Variants in SLC49A3 observed in about 807,000 individuals in gnomAD.
SLC49A3 encodes the protein solute carrier family 49 member 3, also known as solute carrier family 49 member A3.
SLC49A3 carries 50 observed loss-of-function variants against 43.8 expected under a neutral mutation model. The observed-to-expected ratio is 1.14, with a 90% CI of 0.91 to 1.45. SLC49A3 has a LOEUF of 1.45. Among genes scored for constraint, SLC49A3 ranks in the 40% most tolerant of loss-of-function variants. SLC49A3 has a pLI of 0.00. For missense variants in SLC49A3, 906 were observed against 774.1 expected, an observed-to-expected ratio of 1.17 and a Z score of -2.02; for synonymous variants, 413 against 352.0, an observed-to-expected ratio of 1.17 and a Z score of -1.94.
chr4:682,184 C>A lies in SLC49A3; in HGVS notation c.1454G>T (p.Ser485Ile). 1 of 1,360,168 alleles carries A rather than the reference C, an allele frequency of 7.4e-7. No individual in the cohort carries two copies. The highest frequency in any genetic ancestry group is 9.6e-7 in the Non-Finnish European group (1 of 1,044,794). The allele number at this position is 1,360,168 out of a possible 1,614,324, so 84.3% of individuals were successfully genotyped here. A position where few individuals can be genotyped will look rare whatever the true frequency, so the allele number is the denominator to read the frequency against. Residue 485 changes from serine to isoleucine, a missense_variant, in exon 10 of 10, where the codon AGC becomes ATC. Physicochemically the swap from Ser to Ile is moderately radical, Grantham distance 142. Coordinates refer to ENST00000322224, the MANE Select transcript of SLC49A3 (RefSeq NM_032219.4). ...CGCCGTGCACTCCGGAGTCGCCGTG[C>A]TGGGCCCCAGGACCCCAGCCCTTCC... ...GAGRAGVLGP[S>I]TATPECTARG...
chr4:685,721 G>A lies in SLC49A3; in HGVS notation c.585+114C>T. On this transcript the variant is annotated intron_variant, in intron 4 of 9. Coordinates refer to ENST00000322224, the MANE Select transcript of SLC49A3 (RefSeq NM_032219.4). The surrounding 1 kb of genome is among the most constrained non-coding windows in gnomAD (Gnocchi z 4.3). ...ACTCCTTCTCGGGTGGCGGGGCGGG[G>A]GACGGGAATCACACACGGGCACAGG... 1 of 1,143,568 alleles carries A rather than the reference G, an allele frequency of 8.7e-7. No individual in the cohort carries two copies. 70.8% of individuals were successfully genotyped at this position (1,143,568 alleles called of 1,614,324 possible).
chr4:682,111 T>A lies in SLC49A3; in HGVS notation c.1527A>T (p.Pro509=), dbSNP rs780334244. 1 of 1,364,298 alleles carries A rather than the reference T, an allele frequency of 7.3e-7. No individual in the cohort carries two copies. Among genetic ancestry groups the A allele is most frequent in the Non-Finnish European group, 9.6e-7 (1 of 1,046,944 alleles). 84.5% of individuals were successfully genotyped at this position (1,364,298 alleles called of 1,614,324 possible). ...CACGGGGAGTCGCTCGGTGGCAGGC[T>A]GGGTGGGGGCTCCCGGGCCCTCTGG... The part of the protein sequence containing the change: ...EDPRGPGSPH[P]ACHRATPRAQ... The change falls in exon 10 of 10, where the codon CCA becomes CCT. Residue 509 remains proline, a synonymous_variant. Coordinates refer to ENST00000322224, the MANE Select transcript of SLC49A3 (RefSeq NM_032219.4).
downstream of SLC49A3, chr4:679,934 G>A (rs373167881): frequency 1.7e-5 from 27 of 1,613,638 alleles, no homozygotes; most frequent in African/African-American, 6.7e-5. Context: ...CGTCAAGGAC[G>A]ACGAGCTGGA....
At chr4:682,412 G>C in intron 9 of SLC49A3, 36 bp from the exon 10 acceptor site, 1 of 1,319,524 alleles carries the variant, frequency 7.6e-7, no homozygotes. Context: ...CCACAGCCAA[G>C]CCCAGGGGCC....
downstream of SLC49A3, chr4:678,230 G>A (rs1739053214): frequency 5.4e-6 from 8 of 1,489,862 alleles, no homozygotes; most frequent in Middle Eastern, 2.4e-4. Context: ...GCTGTGCTGT[G>A]TTGTGGGAAG....
chr4:681,914 G>C lies in SLC49A3; in HGVS notation c.*44C>G, dbSNP rs759762021. The C allele has an allele frequency of 7.6e-7, 1 of 1,318,714 alleles. No individual in the cohort carries two copies. Among genetic ancestry groups the C allele is most frequent in the Non-Finnish European group, 9.8e-7 (1 of 1,024,136 alleles). The allele number at this position is 1,318,714 out of a possible 1,614,324, so 81.7% of individuals were successfully genotyped here. On this transcript the variant is annotated 3_prime_UTR_variant, in exon 10 of 10. Transcript: ENST00000322224. ...GCAGGTGGACCAGATGTTCCAGTTC[G>C]CCTCCATCGATGTGGCGGGCAACCT...
chr4:678,148 G>T, downstream of SLC49A3: 1 of 1,551,754 alleles, frequency 6.4e-7, no homozygotes, highest in Non-Finnish European at 8.7e-7. Flanking sequence ...TGCAGGTGTG[G>T]GCGTGTGCTC....
chr4:679,911 C>T (rs759498576), downstream of SLC49A3: 8 of 1,613,356 alleles, frequency 5.0e-6, no homozygotes, highest in Non-Finnish European at 6.8e-6. Flanking sequence ...ATGTCTGTAA[C>T]AGGCAAGACC....
rs772426185 is a variant in SLC49A3 at position 682,276 on chromosome 4, C to A, written c.1362G>T (p.Glu454Asp). ...CCACGGCGTTACGGGTGGAGGGGGGCTCCCCAGACTCGGCCTGCAGGCGCC... is the reference window on the plus strand; with the variant it reads ...CCACGGCGTTACGGGTGGAGGGGGGATCCCCAGACTCGGCCTGCAGGCGCC... ...PYRRLQAESG[E>D]PPSTRNAVGG... The change falls in exon 10 of 10, where the codon GAG (glutamate) becomes GAT (aspartate). Residue 454 changes from glutamate (E) to aspartate (D), a missense_variant. Physicochemically the swap from Glu to Asp is conservative, Grantham distance 45. Coordinates refer to ENST00000322224, the MANE Select transcript of SLC49A3 (RefSeq NM_032219.4). 2 of 1,354,254 alleles carry A rather than the reference C, an allele frequency of 1.5e-6. No homozygotes were observed. The highest frequency in any genetic ancestry group is 1.9e-6 in the Non-Finnish European group (2 of 1,044,040). 83.9% of individuals were successfully genotyped at this position (1,354,254 alleles called of 1,614,324 possible). A position where few individuals can be genotyped will look rare whatever the true frequency, so the allele number is the denominator to read the frequency against.
At chr4:689,634 C>G (rs957459483), upstream of SLC49A3, among the ~76,000 whole-genome samples, 2 of 152,272 alleles carry the variant, frequency 1.3e-5, no homozygotes, top group Non-Finnish European at 2.9e-5. Flanking sequence ...CTGCGGGAAG[C>G]AGGCATGGGG....
At position 688,994 on chromosome 4, in the gene SLC49A3, G is replaced by A. The variant is rs148669720; in HGVS notation, c.134C>T (p.Thr45Met). 5.0e-6 allele frequency: 8 copies of A among 1,592,702 alleles called. No homozygotes were observed. The highest frequency in any genetic ancestry group is 6.8e-6 in the Non-Finnish European group (8 of 1,171,522). ...ACCTGTCCCCGCCCCTGCCCCTACC[G>A]TGGCGTTGGAGCAGTTGAGCAGGCT... ...AISLLNCSNA[T>M]LWLSFAPVAD... The change falls in exon 1 of 10, where the codon ACG becomes ATG. Residue 45 changes from threonine to methionine, a missense_variant and splice_region_variant. Coordinates refer to ENST00000322224, the MANE Select transcript of SLC49A3 (RefSeq NM_032219.4).
downstream of SLC49A3, chr4:681,175 G>GGT: frequency 1.9e-6 from 3 of 1,588,616 alleles, no homozygotes; most frequent in Non-Finnish European, 2.6e-6. Context: ...AGCCCACGAG[G>GGT]GGAGGGCGGG....
intron 2 of SLC49A3, 58 bp downstream of exon 2, chr4:686,474 C>A: frequency 6.3e-7 from 1 of 1,582,136 alleles, no homozygotes; most frequent in South Asian, 1.2e-5. Context: ...CTCTCCTACC[C>A]AAATGCGGGG....
Position 681,884 on chromosome 4 carries a change from C to G in SLC49A3, c.*74G>C, listed in dbSNP as rs551285938. On this transcript the variant is annotated 3_prime_UTR_variant, in exon 10 of 10. Transcript: ENST00000322224. ...AGCCCGCAAGGAGCCCTTTCGCCCC[C>G]GCCCGCAGGTGGACCAGATGTTCCA... The G allele has an allele frequency of 3.0e-6, 4 of 1,313,910 alleles. No individual in the cohort carries two copies. In the East Asian group the frequency reaches 1.1e-4, roughly 37 times the overall value. 81.4% of individuals were successfully genotyped at this position (1,313,910 alleles called of 1,614,324 possible). A position where few individuals can be genotyped will look rare whatever the true frequency, so the allele number is the denominator to read the frequency against.
downstream of SLC49A3, chr4:681,109 TGTCCCAG>T (rs1357431640): frequency 6.8e-6 from 11 of 1,606,258 alleles, 1 homozygote; most frequent in African/African-American, 8.0e-5. Flanking sequence ...CGTCTGCTGA[TGTCCCAG>T]GCTGACAAGA....
At chr4:680,650 C>T (rs1174448156), downstream of SLC49A3, 1 of 1,537,770 alleles carries the variant, frequency 6.5e-7, no homozygotes, top group Non-Finnish European at 8.9e-7. Context: ...TCATCCTGTC[C>T]CAAAAGGGAC....
At chr4:679,111 C>A, downstream of SLC49A3, 1 of 1,394,064 alleles carries the variant, frequency 7.2e-7, no homozygotes, top group Non-Finnish European at 1.0e-6. Flanking sequence ...ACGCCGCGGC[C>A]CCTCCTCGAA....
chr4:684,987 T>A (rs1306225632), intron 4 of SLC49A3, 131 bp from the exon 5 acceptor site: 2 of 1,310,480 alleles, frequency 1.5e-6, no homozygotes, highest in East Asian at 5.3e-5. Context: ...ACCTCTGGTC[T>A]GCAGCTGCCC....
At chr4:686,954 C>G (rs893743034) in intron 1 of SLC49A3, among the ~76,000 whole-genome samples, 1 of 152,230 alleles carries the variant, frequency 6.6e-6, no homozygotes, top group African/African-American at 2.4e-5. Flanking sequence ...TGGCCAGAGC[C>G]CACAGGACCA....
Sources: gnomAD v4.1 joint callset for allele counts (sites outside exome capture counted in the v4.1 genomes callset) on GRCh38, gnomAD v4.1.1 for gene constraint, Gnocchi (gnomAD v3.1) non-coding constraint, MANE v1.5 for transcripts, NCBI Gene and HGNC (gene_info 2026-07-23, HGNC 2026-07-21) for gene names.